The following MLLT10 variants were observed in gnomAD, a reference collection of about 807,000 sequenced individuals.
MLLT10 encodes the protein protein AF-10.
In MLLT10, 30 loss-of-function variants were observed where a neutral mutation model predicts 129.1. The ratio of observed to expected loss-of-function variants is 0.23; its 90% CI spans 0.17 to 0.32. The LOEUF (loss-of-function observed/expected upper bound fraction) is 0.32, where lower values mean the gene tolerates loss of function less well. Among genes scored for constraint, MLLT10 ranks in the 10% least tolerant of loss-of-function variants. MLLT10 has a pLI of 1.00. For synonymous variants in MLLT10, 490 were observed against 446.4 expected (o/e 1.10, Z -1.23); for missense variants, 1,119 against 1,268.3 (o/e 0.88, Z 1.79).
chr10:21,534,128 CG>C (rs1408431632), upstream of MLLT10: 5 of 324,650 alleles, frequency 1.5e-5, no homozygotes, highest in Non-Finnish European at 2.2e-5. Flanking sequence ...GGGAGGGGGA[CG>C]GGGCCCCGGA....
chr10:21,635,955 T>G (rs149776578), intron 8 of MLLT10, among the ~76,000 whole-genome samples: 342 of 145,486 alleles, frequency 2.4e-3, no homozygotes, highest in African/African-American at 8.0e-3. Context: ...TTTACATTGC[T>G]CTGTTTACTC....
At chr10:21,660,207 T>G (rs968217215) in intron 9 of MLLT10, among the ~76,000 whole-genome samples, 1 of 151,382 alleles carries the variant, frequency 6.6e-6, no homozygotes, top group Non-Finnish European at 1.5e-5. Flanking sequence ...GCTTAAGCCA[T>G]TTGCCCCCCC....
intron 13 of MLLT10, among the ~76,000 whole-genome samples, chr10:21,691,368 A>G (rs1424832253): frequency 6.6e-6 from 1 of 152,204 alleles, no homozygotes; most frequent in Admixed American, 6.5e-5. Context: ...CTCTTGATAT[A>G]TACATATGGA....
intron 3 of MLLT10, among the ~76,000 whole-genome samples, chr10:21,558,490 G>A (rs901519662): frequency 1.3e-4 from 19 of 151,644 alleles, no homozygotes; most frequent in African/African-American, 4.6e-4. Context: ...ATGATCATGG[G>A]CTTTGGAGTC....
intron 14 of MLLT10, among the ~76,000 whole-genome samples, chr10:21,715,365 T>G (rs1439200723): frequency 6.6e-6 from 1 of 152,206 alleles, no homozygotes; most frequent in Admixed American, 6.5e-5. Context: ...CCCAACTTGA[T>G]ATAGAGGAGT....
intron 9 of MLLT10, among the ~76,000 whole-genome samples, chr10:21,655,078 T>G (rs992045376): frequency 1.3e-5 from 2 of 151,886 alleles, no homozygotes; most frequent in African/African-American, 4.8e-5. Context: ...AAATGGAGAT[T>G]ATTGAGGGTT....
chr10:21,568,113 C>T (rs942254794), intron 3 of MLLT10, among the ~76,000 whole-genome samples: 11 of 152,174 alleles, frequency 7.2e-5, no homozygotes, highest in Admixed American at 4.6e-4. Context: ...CCACCGCACC[C>T]GGCCTTGTTG....
chr10:21,675,688 C>A (rs186593431), intron 11 of MLLT10, among the ~76,000 whole-genome samples: 2 of 152,054 alleles, frequency 1.3e-5, no homozygotes, highest in African/African-American at 2.4e-5. Flanking sequence ...TAGCAAGAGG[C>A]GTAGTAATCA....
chr10:21,653,028 A>G (rs958810730), intron 9 of MLLT10, among the ~76,000 whole-genome samples: 1 of 152,234 alleles, frequency 6.6e-6, no homozygotes, highest in Non-Finnish European at 1.5e-5. Context: ...GACTGTGGGC[A>G]TAGCAGGTTG....
intron 5 of MLLT10, among the ~76,000 whole-genome samples, chr10:21,605,784 G>T (rs189775210): frequency 2.6e-5 from 4 of 152,136 alleles, no homozygotes; most frequent in Non-Finnish European, 5.9e-5. Flanking sequence ...CTTAGTGGTA[G>T]TTGTAGGGCT....
At chr10:21,563,448 A>G (rs1292406920) in intron 3 of MLLT10, among the ~76,000 whole-genome samples, 1 of 152,014 alleles carries the variant, frequency 6.6e-6, no homozygotes, top group Non-Finnish European at 1.5e-5. Context: ...GCTTGAAACC[A>G]GGAGGCAGAG....
At chr10:21,575,425 G>A (rs1456429419) in intron 3 of MLLT10, among the ~76,000 whole-genome samples, 2 of 152,120 alleles carry the variant, frequency 1.3e-5, no homozygotes, top group Non-Finnish European at 2.9e-5. Flanking sequence ...TTGAACTTGC[G>A]ACCTCAGATG....
At chr10:21,567,821 CTTT>C (rs1163802842) in intron 3 of MLLT10, among the ~76,000 whole-genome samples, 4 of 137,488 alleles carry the variant, frequency 2.9e-5, no homozygotes, top group Non-Finnish European at 4.8e-5. Flanking sequence ...GGGGCTTCTT[CTTT>C]TTTTTTTTTT....
intron 17 of MLLT10, among the ~76,000 whole-genome samples, chr10:21,731,965 G>A (rs2058005449): frequency 6.6e-6 from 1 of 152,132 alleles, no homozygotes; most frequent in African/African-American, 2.4e-5. Flanking sequence ...TTAATTGTGA[G>A]GAAATTCATG....
Position 21,735,194 on chromosome 10 carries a change from C to A in MLLT10, c.2914C>A (p.Gln972Lys). The A allele has an allele frequency of 1.2e-6, 2 of 1,613,974 alleles. No homozygotes were observed. Among genetic ancestry groups the A allele is most frequent in the Non-Finnish European group, 1.7e-6 (2 of 1,179,980 alleles). Residue 972 changes from glutamine to lysine, a missense_variant, in exon 21 of 23, where the codon CAG becomes AAG. By Grantham distance (53) the Gln-to-Lys change is moderately conservative. Around this residue, in one of 5 missense-constraint regions of MLLT10, gnomAD observed 1,004 missense variants for 1,008.7 expected, o/e 1.00. Coordinates refer to ENST00000307729, the MANE Select transcript of MLLT10 (RefSeq NM_001195626.3). Reference sequence around the variant, plus strand: ...GCAACGACAAATACTTATTCATCAACAGCAGTTTCAGCAGTTGTTAAATTC... The same window carrying A: ...GCAACGACAAATACTTATTCATCAAAAGCAGTTTCAGCAGTTGTTAAATTC... ...DQQRQILIHQ[Q>K]QFQQLLNSQQ...
In MLLT10 at chr10:21,615,753, A is replaced by G. The variant is rs370050415; in HGVS notation, c.603+829A>G. Among the ~76,000 whole-genome samples, 60 of 152,292 alleles carry G rather than the reference A, an allele frequency of 3.9e-4. 1 individual carries two copies. In the South Asian group the frequency reaches 0.012, roughly 31 times the overall value. ...AACCTTCAGAAAAATATATTTAAATACAACTTTGGGAATTCTTTAGATTTG... is the reference window on the plus strand; with the variant it reads ...AACCTTCAGAAAAATATATTTAAATGCAACTTTGGGAATTCTTTAGATTTG... On this transcript the variant is annotated intron_variant, in intron 7 of 22. Transcript: ENST00000307729.
intron 14 of MLLT10, among the ~76,000 whole-genome samples, chr10:21,716,176 A>G (rs571158938): frequency 6.6e-6 from 1 of 152,384 alleles, no homozygotes; most frequent in African/African-American, 2.4e-5. Flanking sequence ...TAGAATTGAT[A>G]GGACTCTTAA....
intron 3 of MLLT10, among the ~76,000 whole-genome samples, chr10:21,563,670 C>T (rs955388374): frequency 1.3e-5 from 2 of 152,038 alleles, no homozygotes; most frequent in Non-Finnish European, 2.9e-5. Context: ...AAGATAATCT[C>T]AGTTATTTCC....
chr10:21,733,953 A>G lies in MLLT10; in HGVS notation c.2682A>G (p.Ala894=). The G allele has an allele frequency of 6.2e-7, 1 of 1,614,204 alleles. No homozygotes were observed. The highest frequency in any genetic ancestry group is 2.2e-5 in the East Asian group (1 of 44,882). Reference sequence around the variant, plus strand: ...CTTCCACCATTCCTGCCGTGTCTGCAGTGGGTGGAATAATTGGAGCTTTGC... The same window carrying G: ...CTTCCACCATTCCTGCCGTGTCTGCGGTGGGTGGAATAATTGGAGCTTTGC... ...PVTSTIPAVS[A]VGGIIGALPG... Residue 894 remains alanine, a synonymous_variant, in exon 20 of 23, where the codon GCA becomes GCG. Coordinates refer to ENST00000307729, the MANE Select transcript of MLLT10 (RefSeq NM_001195626.3).
Sources: allele counts gnomAD v4.1 joint callset (sites outside exome capture counted in the v4.1 genomes callset), GRCh38; gene constraint gnomAD v4.1.1; regional missense constraint gnomAD v4.1.1; transcripts MANE v1.5; gene names NCBI Gene and HGNC (gene_info 2026-07-23, HGNC 2026-07-21).